TBCE: variants seen among roughly 807,000 people sequenced by gnomAD.
TBCE encodes the protein tubulin-specific chaperone E.
TBCE carries 53 observed loss-of-function variants against 77.0 expected under a neutral mutation model. The observed-to-expected ratio is 0.69, with a 90% CI of 0.55 to 0.87. The LOEUF (loss-of-function observed/expected upper bound fraction) is 0.87, where lower values mean the gene tolerates loss of function less well. TBCE is among the 40% of genes least tolerant of loss of function. TBCE has a pLI of 0.00. For missense variants in TBCE, 624 were observed against 622.4 expected, an observed-to-expected ratio of 1.00 and a Z score of -0.03; for synonymous variants, 235 against 241.3, an observed-to-expected ratio of 0.97 and a Z score of 0.24.
chr1:235,449,131 C>CTATT lies in TBCE; in HGVS notation c.*371_*374dup, dbSNP rs367766528. 3.6e-6 allele frequency: 1 copy of CTATT among 277,722 alleles called. No individual in the cohort carries two copies. 17.2% of individuals were successfully genotyped at this position (277,722 alleles called of 1,614,324 possible). ...TTAATGGAATTCTCTATTGAAACTACTATTTTAAAGGGTTACTAGAAATGA... is the reference window on the plus strand; with the variant it reads ...TTAATGGAATTCTCTATTGAAACTACTATTTATTTTAAAGGGTTACTAGAAATGA... On this transcript the variant is annotated 3_prime_UTR_variant, in exon 17 of 17. Transcript: ENST00000642610.
intron 5 of TBCE, 53 bp from the exon 6 acceptor site, chr1:235,427,087 T>C (rs1456908381): frequency 1.6e-6 from 2 of 1,276,358 alleles, no homozygotes; most frequent in Non-Finnish European, 2.3e-6. Context: ...GTAACTCCTT[T>C]TATGTCTTTT....
intron 15 of TBCE, 184 bp downstream of exon 15, chr1:235,443,095 A>G: frequency 1.6e-6 from 1 of 640,420 alleles, no homozygotes. Flanking sequence ...ATGCCCCCAA[A>G]AGTTCAGGTC....
intron 4 of TBCE, among the ~76,000 whole-genome samples, chr1:235,418,769 G>T (rs1295950026): frequency 2.0e-5 from 3 of 152,196 alleles, no homozygotes; most frequent in African/African-American, 7.2e-5. Context: ...AAAAAGTCAG[G>T]TGCAGAAGGC....
At chr1:235,407,435 G>A (rs778547946) in intron 3 of TBCE, among the ~76,000 whole-genome samples, 1 of 152,140 alleles carries the variant, frequency 6.6e-6, no homozygotes, top group Non-Finnish European at 1.5e-5. Flanking sequence ...CTGAAAGAAA[G>A]TTCATTGGCA....
intron 3 of TBCE, among the ~76,000 whole-genome samples, chr1:235,411,980 T>G (rs1378975604): frequency 6.6e-6 from 1 of 151,496 alleles, no homozygotes; most frequent in Non-Finnish European, 1.5e-5. Flanking sequence ...GTTATGTTCA[T>G]GTTGCTGGAT....
At chr1:235,438,552 T>TAAAAAAA (rs10667524) in intron 12 of TBCE, among the ~76,000 whole-genome samples, 2 of 146,136 alleles carry the variant, frequency 1.4e-5, no homozygotes, top group Non-Finnish European at 3.0e-5. Flanking sequence ...CATCTCAAAT[T>TAAAAAAA]AAAAAAAAAA....
intron 3 of TBCE, among the ~76,000 whole-genome samples, chr1:235,412,152 C>T (rs149155696): frequency 1.7e-3 from 2 of 1,180 alleles, no homozygotes; most frequent in African/African-American, 5.8e-3. Flanking sequence ...TTCCCCTCCC[C>T]TCCCCTCCCC....
intron 2 of TBCE, among the ~76,000 whole-genome samples, chr1:235,381,553 G>C (rs902756868): frequency 6.6e-6 from 1 of 151,382 alleles, no homozygotes; most frequent in African/African-American, 2.4e-5. Flanking sequence ...ATGTGGTGGC[G>C]GGCACCTGTA....
In TBCE at chr1:235,402,770, G is replaced by A. The variant is rs538489329; in HGVS notation, c.185+1183G>A. 3.9e-3 allele frequency among the ~76,000 whole-genome samples: 592 copies of A among 152,020 alleles called. 4 individuals carry two copies. Among genetic ancestry groups the A allele is most frequent in the African/African-American group, 0.014 (564 of 41,436 alleles). ...CTCCTGAGTAGCTGGGACTACAGGCGTGCACCAGCACACCCAGCTAATTTA... is the reference window on the plus strand; with the variant it reads ...CTCCTGAGTAGCTGGGACTACAGGCATGCACCAGCACACCCAGCTAATTTA... On this transcript the variant is annotated intron_variant, in intron 3 of 16. Transcript: ENST00000642610.
intron 2 of TBCE, among the ~76,000 whole-genome samples, chr1:235,385,023 T>C (rs564435093): frequency 3.1e-4 from 47 of 152,320 alleles, no homozygotes; most frequent in African/African-American, 8.4e-4. Flanking sequence ...TGTGTCTTTG[T>C]TCTCGTTGGT....
At chr1:235,388,150 C>G (rs1040741258) in intron 2 of TBCE, among the ~76,000 whole-genome samples, 1 of 152,114 alleles carries the variant, frequency 6.6e-6, no homozygotes, top group Non-Finnish European at 1.5e-5. Flanking sequence ...CAATAACAAC[C>G]TTAAAATATA....
chr1:235,447,582 C>T (rs1572462669), intron 15 of TBCE, among the ~76,000 whole-genome samples: 1 of 152,096 alleles, frequency 6.6e-6, no homozygotes, highest in African/African-American at 2.4e-5. Flanking sequence ...AGTTGGCACC[C>T]TAATTTTACA....
At chr1:235,382,069 G>T (rs997966110) in intron 2 of TBCE, among the ~76,000 whole-genome samples, 2 of 148,480 alleles carry the variant, frequency 1.3e-5, no homozygotes, top group Non-Finnish European at 3.0e-5. Context: ...GCAGTGTTTG[G>T]TTTTTTGTCC....
At chr1:235,439,444 C>G (rs919562539) in intron 13 of TBCE, among the ~76,000 whole-genome samples, 1 of 150,246 alleles carries the variant, frequency 6.7e-6, no homozygotes, top group African/African-American at 2.4e-5. Context: ...TGCAGTGAGC[C>G]GAGATCACAC....
chr1:235,407,160 G>T (rs1679487565), intron 3 of TBCE, among the ~76,000 whole-genome samples: 1 of 148,868 alleles, frequency 6.7e-6, no homozygotes, highest in African/African-American at 2.5e-5. Context: ...TGGACGCAGG[G>T]TCTTGCTCTG....
chr1:235,382,332 T>C (rs1677726724), intron 2 of TBCE, among the ~76,000 whole-genome samples: 1 of 152,184 alleles, frequency 6.6e-6, no homozygotes, highest in Non-Finnish European at 1.5e-5. Context: ...ATATACCCAG[T>C]AATGGGATGG....
chr1:235,393,441 G>A (rs995386018), intron 2 of TBCE, among the ~76,000 whole-genome samples: 10 of 152,158 alleles, frequency 6.6e-5, no homozygotes, highest in Non-Finnish European at 1.5e-4. Flanking sequence ...GGGAGGCTGA[G>A]GCAGGAGAAT....
At chr1:235,373,741 C>A (rs1677120892) in intron 1 of TBCE, among the ~76,000 whole-genome samples, 1 of 151,014 alleles carries the variant, frequency 6.6e-6, no homozygotes, top group Non-Finnish European at 1.5e-5. Context: ...CTCCGCCTCC[C>A]GGGTTCACGC....
At chr1:235,400,549 C>T (rs573966205) in intron 2 of TBCE, among the ~76,000 whole-genome samples, 3 of 144,380 alleles carry the variant, frequency 2.1e-5, no homozygotes, top group East Asian at 4.2e-4. Context: ...TATAGGCGCT[C>T]GCCACCGTGC....
Sources: gnomAD v4.1 joint callset for allele counts (sites outside exome capture counted in the v4.1 genomes callset) on GRCh38, gnomAD v4.1.1 for gene constraint, MANE v1.5 for transcripts, NCBI Gene and HGNC (gene_info 2026-07-23, HGNC 2026-07-21) for gene names.